Variants in RPAP2 observed in about 807,000 individuals in gnomAD.
RPAP2 encodes the protein RNA polymerase II associated protein 2, also known as putative RNA polymerase II subunit B1 CTD phosphatase RPAP2.
A neutral mutation model predicts 73.1 loss-of-function variants in RPAP2; 52 were observed. That is an observed-to-expected ratio of 0.71 (90% confidence interval 0.57 to 0.90). RPAP2 has a LOEUF of 0.90. RPAP2 is among the 40% of genes least tolerant of loss of function. RPAP2 has a pLI of 0.00. For synonymous variants in RPAP2, 225 were observed against 242.1 expected, an observed-to-expected ratio of 0.93 and a Z score of 0.65; for missense variants, 598 against 701.8, an observed-to-expected ratio of 0.85 and a Z score of 1.67.
chr1:92,326,575 G>A (rs376503957), intron 8 of RPAP2, among the ~76,000 whole-genome samples: 2 of 152,140 alleles, frequency 1.3e-5, no homozygotes, highest in African/African-American at 4.8e-5. Flanking sequence ...GGGAAGGACC[G>A]TCATGGGGGC....
rs774278468 is a variant in RPAP2 at position 92,304,013 on chromosome 1, G to C, written c.271G>C (p.Val91Leu). ...FITPAHYSDV[V>L]DERSIVKLCG... is the part of the protein sequence containing the mutation. ...TACACCTGCTCACTACAGTGATGTCGTGGATGAACGTTCTATTGTCAAACT... is the reference window on the plus strand; with the variant it reads ...TACACCTGCTCACTACAGTGATGTCCTGGATGAACGTTCTATTGTCAAACT... The change falls in exon 4 of 13, where the codon GTG becomes CTG. Residue 91 changes from valine (V) to leucine (L), a missense_variant. Around this residue, in one of 3 missense-constraint regions of RPAP2, gnomAD observed 506 missense variants for 612.8 expected, o/e 0.83. Transcript: ENST00000610020. The C allele has an allele frequency of 1.1e-5, 17 of 1,612,812 alleles. No homozygotes were observed. Among genetic ancestry groups the C allele is most frequent in the South Asian group, 3.3e-5 (3 of 90,824 alleles).
At chr1:92,384,129 T>A (rs1252995204) in intron 12 of RPAP2, among the ~76,000 whole-genome samples, 1 of 151,490 alleles carries the variant, frequency 6.6e-6, no homozygotes, top group Non-Finnish European at 1.5e-5. Flanking sequence ...AGCTAATTTT[T>A]GTATTTTTAG....
At chr1:92,378,783 G>C (rs188500882) in intron 11 of RPAP2, among the ~76,000 whole-genome samples, 41 of 152,314 alleles carry the variant, frequency 2.7e-4, no homozygotes, top group African/African-American at 9.4e-4. Context: ...TCTATACCCA[G>C]CTTGGGCTTG....
Position 92,392,332 on chromosome 1 carries a change from A to G in RPAP2, c.*5321A>G, listed in dbSNP as rs1483512840. 1 of 152,218 alleles carries G rather than the reference A, an allele frequency of 6.6e-6. No individual in the cohort carries two copies. Among genetic ancestry groups the G allele is most frequent in the Non-Finnish European group, 1.5e-5 (1 of 68,030 alleles). The allele number at this position is 152,218 out of a possible 1,614,324, so 9.4% of individuals were successfully genotyped here. On this transcript the variant is annotated 3_prime_UTR_variant, in exon 13 of 13. Transcript: ENST00000610020. ...AAAAAGGCCTTCAACAAAATTCAACAGCCTTTCATGCTAAAAACCCTCAAT... is the reference window on the plus strand; with the variant it reads ...AAAAAGGCCTTCAACAAAATTCAACGGCCTTTCATGCTAAAAACCCTCAAT...
chr1:92,313,909 T>C (rs970040134), intron 6 of RPAP2, among the ~76,000 whole-genome samples: 3 of 152,238 alleles, frequency 2.0e-5, no homozygotes, highest in African/African-American at 7.2e-5. Flanking sequence ...TCCTTGAATC[T>C]CATGAACCAA....
At position 92,336,382 on chromosome 1, in the gene RPAP2, T is replaced by A; in HGVS notation, c.1574T>A (p.Leu525Ter). 6.2e-7 allele frequency: 1 copy of A among 1,611,200 alleles called. No homozygotes were observed. Among genetic ancestry groups the A allele is most frequent in the Non-Finnish European group, 8.5e-7 (1 of 1,178,150 alleles). The change falls in exon 10 of 13, where the codon TTG (leucine) becomes TAG (stop). Residue 525 changes from leucine to a stop codon, truncating the protein, a stop_gained. Transcript: ENST00000610020. LOFTEE classifies it high-confidence loss of function. ...PGLLVPLQIT[L>*]GDIYTQLKNL... ...CTTCTGGTTCCTCTTCAGATTACAT[T>A]GGGAGATATTTACACACAACTTAAA...
intron 6 of RPAP2, among the ~76,000 whole-genome samples, chr1:92,307,531 T>G (rs1310949072): frequency 6.6e-6 from 1 of 152,212 alleles, no homozygotes; most frequent in Non-Finnish European, 1.5e-5. Flanking sequence ...TCCAGTGTCC[T>G]GTGATGCTAG....
chr1:92,318,538 T>C (rs972936571), intron 6 of RPAP2, among the ~76,000 whole-genome samples: 3 of 152,148 alleles, frequency 2.0e-5, no homozygotes, highest in African/African-American at 7.2e-5. Context: ...CTCTCAAACT[T>C]TGAATCGACC....
rs1472903571 is a variant in RPAP2, at chr1:92,401,049, TCTCATGAGAA to T, written c.*14043_*14052del. 1 of 152,094 alleles carries T rather than the reference TCTCATGAGAA, an allele frequency of 6.6e-6. No homozygotes were observed. Among genetic ancestry groups the T allele is most frequent in the Non-Finnish European group, 1.5e-5 (1 of 68,040 alleles). 9.4% of individuals were successfully genotyped at this position (152,094 alleles called of 1,614,324 possible). On this transcript the variant is annotated 3_prime_UTR_variant, in exon 13 of 13. Coordinates refer to ENST00000610020, the MANE Select transcript of RPAP2 (RefSeq NM_024813.3). ...GCAAAGCCTCTATAAAGCCATCAGA[TCTCATGAGAA>T]CTCACTATCATGAGAACAGCAGGGG... is the stretch of plus-strand genomic sequence containing the variant.
At chr1:92,328,664 T>C (rs1271171291) in intron 8 of RPAP2, among the ~76,000 whole-genome samples, 1 of 152,246 alleles carries the variant, frequency 6.6e-6, no homozygotes, top group African/African-American at 2.4e-5. Context: ...AGATTTTGTC[T>C]TGGTTTGGAT....
chr1:92,310,051 C>T (rs988710661), intron 6 of RPAP2, among the ~76,000 whole-genome samples: 3 of 152,020 alleles, frequency 2.0e-5, no homozygotes, highest in African/African-American at 4.8e-5. Context: ...ACTAGTGATC[C>T]GTATGAGACC....
At chr1:92,306,680 CA>C (rs1406658844) in intron 5 of RPAP2, among the ~76,000 whole-genome samples, 1 of 151,778 alleles carries the variant, frequency 6.6e-6, no homozygotes, top group Non-Finnish European at 1.5e-5. Context: ...CCCATCTCTA[CA>C]AAAAAATAAA....
chr1:92,309,647 CTG>C (rs1651474768), intron 6 of RPAP2, among the ~76,000 whole-genome samples: 1 of 151,970 alleles, frequency 6.6e-6, no homozygotes, highest in African/African-American at 2.4e-5. Flanking sequence ...AAAACCCAAC[CTG>C]TGAATTTAAC....
intron 6 of RPAP2, among the ~76,000 whole-genome samples, chr1:92,311,804 G>A (rs1288532303): frequency 6.6e-6 from 1 of 152,160 alleles, no homozygotes; most frequent in Non-Finnish European, 1.5e-5. Flanking sequence ...TCTTTTAAAT[G>A]TGCAGTAGCG....
intron 11 of RPAP2, among the ~76,000 whole-genome samples, chr1:92,361,730 G>A (rs1358605799): frequency 1.3e-5 from 2 of 152,144 alleles, no homozygotes; most frequent in Non-Finnish European, 2.9e-5. Flanking sequence ...AGATGTAAAT[G>A]TGAGATTATC....
chr1:92,336,239 T>C (rs937008909), intron 9 of RPAP2, 108 bp from the exon 10 acceptor site: 1 of 708,868 alleles, frequency 1.4e-6, no homozygotes, highest in African/African-American at 1.8e-5. Context: ...CATGACTGCT[T>C]CCATCTAAAT....
chr1:92,324,294 G>A lies in RPAP2; in HGVS notation c.1374G>A (p.Lys458=). 6.2e-7 allele frequency: 1 copy of A among 1,613,996 alleles called. No individual in the cohort carries two copies. The highest frequency in any genetic ancestry group is 8.5e-7 in the Non-Finnish European group (1 of 1,179,954). ...SYENLKKETE[K]LNLRIREFYR... ...AGAATTTGAAAAAAGAAACTGAAAA[G>A]TTAAATCTGAGGATCAGGGAGTTTT... Residue 458 remains lysine (K), a synonymous_variant, in exon 8 of 13, where the codon AAG becomes AAA. Transcript: ENST00000610020.
chr1:92,302,169 C>G (rs1650898348), intron 3 of RPAP2, among the ~76,000 whole-genome samples: 1 of 151,994 alleles, frequency 6.6e-6, no homozygotes, highest in African/African-American at 2.4e-5. Context: ...CCCAGCTGCT[C>G]AGGAGGCTGA....
chr1:92,395,965 G>A lies in RPAP2; in HGVS notation c.*8954G>A, dbSNP rs759043581. ...GACAAAGATATGTGTTGGTGATGAT[G>A]TGGAGAAACTGGAGCCCTAATGCAT... On this transcript the variant is annotated 3_prime_UTR_variant, in exon 13 of 13. Coordinates refer to ENST00000610020, the MANE Select transcript of RPAP2 (RefSeq NM_024813.3). 2 of 152,342 alleles carry A rather than the reference G, an allele frequency of 1.3e-5. No individual in the cohort carries two copies. Among genetic ancestry groups the A allele is most frequent in the East Asian group, 3.9e-4 (2 of 5,188 alleles). The allele number at this position is 152,342 out of a possible 1,614,324, so 9.4% of individuals were successfully genotyped here.
Sources: allele counts gnomAD v4.1 joint callset (sites outside exome capture counted in the v4.1 genomes callset), GRCh38; gene constraint gnomAD v4.1.1; regional missense constraint gnomAD v4.1.1; transcripts MANE v1.5; gene names NCBI Gene and HGNC (gene_info 2026-07-23, HGNC 2026-07-21).